Variants in VAPA observed in about 807,000 individuals in gnomAD.
The protein encoded by VAPA is vesicle-associated membrane protein-associated protein A.
VAPA carries 6 observed loss-of-function variants against 25.6 expected under a neutral mutation model. The ratio of observed to expected loss-of-function variants is 0.23; its 90% CI spans 0.13 to 0.46. The LOEUF is 0.46. Among genes scored for constraint, VAPA ranks in the 20% least tolerant of loss-of-function variants. The pLI, the probability that VAPA is intolerant of heterozygous loss-of-function variation, is 0.99. For synonymous variants in VAPA, 112 were observed against 106.2 expected (o/e 1.05, Z -0.34); for missense variants, 244 against 302.1 (o/e 0.81, Z 1.43).
At chr18:9,929,573 G>T (rs2069232283) in intron 1 of VAPA, among the ~76,000 whole-genome samples, 1 of 152,094 alleles carries the variant, frequency 6.6e-6, no homozygotes, top group African/African-American at 2.4e-5. Context: ...GTGGGATATG[G>T]CTTTCGTCAG....
rs985023335 is a variant in VAPA at position 9,959,346 on chromosome 18, C to G, written c.*5135C>G. 6.6e-5 allele frequency: 10 copies of G among 152,142 alleles called. No individual in the cohort carries two copies. Among genetic ancestry groups the G allele is most frequent in the Admixed American group, 2.6e-4 (4 of 15,274 alleles). The allele number at this position is 152,142 out of a possible 1,614,324, so 9.4% of individuals were successfully genotyped here. On this transcript the variant is annotated 3_prime_UTR_variant, in exon 6 of 6. Coordinates refer to ENST00000400000, the MANE Select transcript of VAPA (RefSeq NM_194434.3). ...TAAATTTTTGAAGACTGCTTTCCCC[C>G]TTTATCTCCCAGAAAATTGAGAAGA...
At chr18:9,930,587 G>A (rs79823517) in intron 1 of VAPA, among the ~76,000 whole-genome samples, 8,259 of 152,030 alleles carry the variant, frequency 0.054, 268 homozygotes, top group South Asian at 0.14. Context: ...GGAAGCTCTT[G>A]GGGTTGAAGA....
intron 1 of VAPA, 83 bp from the exon 2 acceptor site, chr18:9,931,727 G>A: frequency 1.7e-6 from 2 of 1,194,224 alleles, no homozygotes; most frequent in South Asian, 3.2e-5. Flanking sequence ...TTAAAATTGA[G>A]GTTATATATT....
rs1403185677 is a variant in VAPA at position 9,957,922 on chromosome 18, C to T, written c.*3711C>T. Reference sequence around the variant, plus strand: ...CTTTTGGTAGACTACCACCACGCTTCTTCGCGTAAGCAGTGGCATCTTGGG... The same window carrying T: ...CTTTTGGTAGACTACCACCACGCTTTTTCGCGTAAGCAGTGGCATCTTGGG... On this transcript the variant is annotated 3_prime_UTR_variant, in exon 6 of 6. Coordinates refer to ENST00000400000, the MANE Select transcript of VAPA (RefSeq NM_194434.3). 6.6e-6 allele frequency: 1 copy of T among 152,216 alleles called. No homozygotes were observed. The highest frequency in any genetic ancestry group is 1.5e-5 in the Non-Finnish European group (1 of 68,038). The allele number at this position is 152,216 out of a possible 1,614,324, so 9.4% of individuals were successfully genotyped here.
intron 1 of VAPA, among the ~76,000 whole-genome samples, chr18:9,927,025 T>C (rs1028898858): frequency 5.9e-5 from 9 of 152,134 alleles, no homozygotes; most frequent in Non-Finnish European, 1.2e-4. Flanking sequence ...TAGAAGTGTT[T>C]TCTGTTTTCT....
intron 4 of VAPA, among the ~76,000 whole-genome samples, chr18:9,942,333 T>C (rs1260712854): frequency 2.0e-5 from 3 of 152,142 alleles, no homozygotes; most frequent in Non-Finnish European, 4.4e-5. Flanking sequence ...TTAGAAAAAT[T>C]TGGTTAGTGT....
rs903404565 is a variant in VAPA at position 9,932,538 on chromosome 18, T to C, written c.232+576T>C. On this transcript the variant is annotated intron_variant, in intron 2 of 5. Transcript: ENST00000400000. Reference sequence around the variant, plus strand: ...TTACTTACTCCTGCTGTGGAGTTGATACTGGTACCATATCTAATGCCCCCT... The same window carrying C: ...TTACTTACTCCTGCTGTGGAGTTGACACTGGTACCATATCTAATGCCCCCT... Among the ~76,000 whole-genome samples the C allele has an allele frequency of 2.6e-5, 4 of 152,258 alleles. No individual in the cohort carries two copies. The South Asian group carries it at 8.3e-4, about 31-fold the overall frequency.
rs146260892 is a variant in VAPA, at chr18:9,954,003, G to A, written c.592-50G>A. 55 of 1,606,550 alleles carry A rather than the reference G, an allele frequency of 3.4e-5. No homozygotes were observed. The East Asian group carries it at 9.8e-4, about 29-fold the overall frequency. On this transcript the variant is annotated intron_variant, in intron 5 of 5. Coordinates refer to ENST00000400000, the MANE Select transcript of VAPA (RefSeq NM_194434.3). ...ATAGATTTTTAGCTCCAGTAGTCTC[G>A]TTAGTATGCTTGTTTTTAAAAACCT... is the stretch of plus-strand genomic sequence containing the variant.
At chr18:9,933,031 C>T (rs1230741157) in intron 2 of VAPA, among the ~76,000 whole-genome samples, 1 of 151,538 alleles carries the variant, frequency 6.6e-6, no homozygotes, top group Non-Finnish European at 1.5e-5. Flanking sequence ...TGCTTAAAAC[C>T]AGGAAGTGGA....
chr18:9,927,106 C>T (rs750240107), intron 1 of VAPA, among the ~76,000 whole-genome samples: 33 of 152,102 alleles, frequency 2.2e-4, no homozygotes, highest in Admixed American at 6.6e-5. Context: ...AAAACAAATA[C>T]TAAAGTTGAT....
intron 1 of VAPA, among the ~76,000 whole-genome samples, chr18:9,916,772 A>G (rs1369380192): frequency 1.3e-5 from 2 of 152,352 alleles, no homozygotes; most frequent in African/African-American, 2.4e-5. Flanking sequence ...AGTCATTCAA[A>G]ACTTTCTAAG....
intron 4 of VAPA, among the ~76,000 whole-genome samples, chr18:9,945,436 T>C (rs1488116242): frequency 2.3e-5 from 3 of 128,374 alleles, no homozygotes; most frequent in African/African-American, 8.7e-5. Flanking sequence ...TTCAGCTCAC[T>C]GCAACCTCTG....
At chr18:9,944,798 T>G in intron 4 of VAPA, 1 of 1,180,192 alleles carries the variant, frequency 8.5e-7, no homozygotes. Context: ...TCTTATGCAT[T>G]AATGCATTTT....
chr18:9,942,111 A>AT (rs1336364445), intron 4 of VAPA, among the ~76,000 whole-genome samples: 1 of 152,092 alleles, frequency 6.6e-6, no homozygotes, highest in African/African-American at 2.4e-5. Flanking sequence ...TGGCATTTGT[A>AT]TTTTTTTATT....
chr18:9,943,514 C>A (rs1379842697), intron 4 of VAPA, among the ~76,000 whole-genome samples: 3 of 152,134 alleles, frequency 2.0e-5, no homozygotes, highest in Non-Finnish European at 4.4e-5. Flanking sequence ...AGTGCTAGTA[C>A]TGAAAGCCAT....
rs1412019955 is a variant in VAPA at position 9,955,205 on chromosome 18, A to T, written c.*994A>T. The T allele has an allele frequency of 6.6e-6, 1 of 151,888 alleles. No homozygotes were observed. The highest frequency in any genetic ancestry group is 1.5e-5 in the Non-Finnish European group (1 of 68,014). The allele number at this position is 151,888 out of a possible 1,614,324, so 9.4% of individuals were successfully genotyped here. A position where few individuals can be genotyped will look rare whatever the true frequency, so the allele number is the denominator to read the frequency against. ...AATTACTTTTTAACCAGCCTAATAA[A>T]TAAGTCTTACTACTTTTCATAATAT... On this transcript the variant is annotated 3_prime_UTR_variant, in exon 6 of 6. Transcript: ENST00000400000.
Position 9,954,315 on chromosome 18 carries a change from T to G in VAPA, c.*104T>G. 1 of 1,012,776 alleles carries G rather than the reference T, an allele frequency of 9.9e-7. No individual in the cohort carries two copies. The highest frequency in any genetic ancestry group is 2.4e-5 in the East Asian group (1 of 42,114). The allele number at this position is 1,012,776 out of a possible 1,614,324, so 62.7% of individuals were successfully genotyped here. A position where few individuals can be genotyped will look rare whatever the true frequency, so the allele number is the denominator to read the frequency against. On this transcript the variant is annotated 3_prime_UTR_variant, in exon 6 of 6. Transcript: ENST00000400000. Reference sequence around the variant, plus strand: ...GGTAGTATGGCCCACGGTGACCATTTTTTTGTGTGTACAGCGTCATATAGG... The same window carrying G: ...GGTAGTATGGCCCACGGTGACCATTGTTTTGTGTGTACAGCGTCATATAGG...
intron 4 of VAPA, chr18:9,948,912 T>C (rs1177134599): frequency 6.6e-6 from 1 of 152,186 alleles, no homozygotes; most frequent in African/African-American, 2.4e-5. Flanking sequence ...GTATGATACT[T>C]TTTCCCAATT....
chr18:9,944,803 C>T, intron 4 of VAPA: 1 of 1,213,876 alleles, frequency 8.2e-7, no homozygotes, highest in East Asian at 2.6e-5. Context: ...TGCATTAATG[C>T]ATTTTTATAA....
Sources: gnomAD v4.1 joint callset for allele counts (sites outside exome capture counted in the v4.1 genomes callset) on GRCh38, gnomAD v4.1.1 for gene constraint, MANE v1.5 for transcripts, NCBI Gene and HGNC (gene_info 2026-07-23, HGNC 2026-07-21) for gene names.